The following SYT1 variants were observed in gnomAD, a reference collection of about 807,000 sequenced individuals.
SYT1 encodes the protein synaptotagmin-1.
In SYT1, 8 loss-of-function variants were observed where a neutral mutation model predicts 44.8. The ratio of observed to expected loss-of-function variants is 0.18; its 90% CI spans 0.10 to 0.32. The LOEUF (loss-of-function observed/expected upper bound fraction) is 0.32. Ranked by LOEUF, SYT1 falls within the 10% of genes least tolerant of loss-of-function variation. The probability of loss-of-function intolerance (pLI) is 1.00; values close to 1 mark genes in which losing one functional copy is unlikely to be tolerated. For synonymous variants in SYT1, 154 were observed against 188.8 expected, an observed-to-expected ratio of 0.82 and a Z score of 1.51; for missense variants, 286 against 509.3, an observed-to-expected ratio of 0.56 and a Z score of 4.22.
chr12:79,434,445 A>T (rs1302094338), intron 9 of SYT1, among the ~76,000 whole-genome samples: 1 of 152,240 alleles, frequency 6.6e-6, no homozygotes, highest in African/African-American at 2.4e-5. Context: ...TAAATTATTT[A>T]TAAAGACCCC....
chr12:79,203,657 T>C (rs919642533), intron 3 of SYT1, among the ~76,000 whole-genome samples: 1 of 152,164 alleles, frequency 6.6e-6, no homozygotes, highest in African/African-American at 2.4e-5. Context: ...TTATCTTAAA[T>C]TGAAAGGAAG....
intron 3 of SYT1, among the ~76,000 whole-genome samples, chr12:79,060,226 T>C (rs1875274555): frequency 6.6e-6 from 1 of 152,110 alleles, no homozygotes; most frequent in African/African-American, 2.4e-5. Flanking sequence ...AGAAAAGTTA[T>C]CCACGTCCCC....
chr12:79,005,260 T>C (rs922847738), intron 2 of SYT1, among the ~76,000 whole-genome samples: 4 of 152,158 alleles, frequency 2.6e-5, no homozygotes, highest in African/African-American at 7.2e-5. Flanking sequence ...TTATTAGTAA[T>C]GTTTTTCATG....
At chr12:79,229,178 T>C (rs1460847205) in intron 4 of SYT1, among the ~76,000 whole-genome samples, 1 of 152,198 alleles carries the variant, frequency 6.6e-6, no homozygotes, top group African/African-American at 2.4e-5. Flanking sequence ...AGCAAAGCTG[T>C]CCTTCCAATA....
intron 4 of SYT1, among the ~76,000 whole-genome samples, chr12:79,261,931 C>T (rs189050285): frequency 2.8e-4 from 42 of 151,794 alleles, no homozygotes; most frequent in Middle Eastern, 3.4e-3. Context: ...ATTTTACTCT[C>T]TTATTGTTAA....
chr12:79,041,354 G>T (rs966862694), intron 2 of SYT1, among the ~76,000 whole-genome samples: 1 of 152,060 alleles, frequency 6.6e-6, no homozygotes, highest in Non-Finnish European at 1.5e-5. Flanking sequence ...CCTGTAAGTT[G>T]GATTCCTAGG....
chr12:79,374,594 C>T (rs1367532482), intron 9 of SYT1, among the ~76,000 whole-genome samples: 4 of 152,174 alleles, frequency 2.6e-5, no homozygotes, highest in South Asian at 2.1e-4. Context: ...AGATTAGTTT[C>T]AGGACATTCA....
chr12:79,227,504 C>T (rs1286153189), intron 4 of SYT1, among the ~76,000 whole-genome samples: 1 of 152,116 alleles, frequency 6.6e-6, no homozygotes, highest in Non-Finnish European at 1.5e-5. Context: ...ATAGCCAGAA[C>T]TTGACTCTTA....
chr12:79,253,422 A>G (rs1049008477), intron 4 of SYT1, among the ~76,000 whole-genome samples: 29 of 152,018 alleles, frequency 1.9e-4, no homozygotes, highest in African/African-American at 6.8e-4. Context: ...CATATGAGAC[A>G]GTAAACGTAA....
At chr12:79,039,575 G>A (rs1267249080) in intron 2 of SYT1, among the ~76,000 whole-genome samples, 1 of 150,850 alleles carries the variant, frequency 6.6e-6, no homozygotes, top group African/African-American at 2.4e-5. Context: ...TTTTTTAATT[G>A]ATTCTACCAC....
chr12:79,041,293 A>G (rs1037622179), intron 2 of SYT1, among the ~76,000 whole-genome samples: 1 of 151,912 alleles, frequency 6.6e-6, no homozygotes, highest in Admixed American at 6.6e-5. Context: ...ATCCTCTTTT[A>G]TTTCATTGAG....
chr12:79,113,600 C>A (rs1003632739), intron 3 of SYT1, among the ~76,000 whole-genome samples: 6 of 152,066 alleles, frequency 3.9e-5, no homozygotes, highest in Non-Finnish European at 7.4e-5. Context: ...ATTTAACTTT[C>A]TTTAACCCAG....
At chr12:79,397,179 G>A (rs566652701) in intron 9 of SYT1, among the ~76,000 whole-genome samples, 3 of 152,246 alleles carry the variant, frequency 2.0e-5, no homozygotes, top group Non-Finnish European at 4.4e-5. Flanking sequence ...GGAGGCCACT[G>A]GAAGGGGGTT....
chr12:79,432,361 C>T (rs963122472), intron 9 of SYT1, among the ~76,000 whole-genome samples: 2 of 152,024 alleles, frequency 1.3e-5, no homozygotes, highest in Non-Finnish European at 1.5e-5. Context: ...ATCCCTCCCC[C>T]TGCCCCCCAA....
chr12:78,880,362 T>G (rs1035733336), intron 1 of SYT1, among the ~76,000 whole-genome samples: 1 of 151,684 alleles, frequency 6.6e-6, no homozygotes, highest in African/African-American at 2.4e-5. Flanking sequence ...TCCTGACCAG[T>G]CTTGTAGTAC....
At chr12:78,920,185 T>C (rs1254133470) in intron 1 of SYT1, among the ~76,000 whole-genome samples, 1 of 152,036 alleles carries the variant, frequency 6.6e-6, no homozygotes. Flanking sequence ...CAAACTAAAT[T>C]AAAATCTTGG....
intron 6 of SYT1, among the ~76,000 whole-genome samples, 167 bp downstream of exon 6, chr12:79,292,297 T>TA (rs1429036760): frequency 2.0e-5 from 3 of 152,232 alleles, no homozygotes; most frequent in African/African-American, 4.8e-5. Context: ...CCCTACTTGC[T>TA]AATTTAACTT....
intron 9 of SYT1, among the ~76,000 whole-genome samples, chr12:79,408,538 G>A (rs1868315392): frequency 1.3e-5 from 2 of 152,202 alleles, no homozygotes; most frequent in East Asian, 1.9e-4. Context: ...TGGATTCAGG[G>A]AATAAAGAAG....
chr12:79,448,926 G>C lies in SYT1; in HGVS notation c.1071G>C (p.Gln357His), dbSNP rs1207503341. The C allele has an allele frequency of 6.2e-7, 1 of 1,614,122 alleles. No individual in the cohort carries two copies. The highest frequency in any genetic ancestry group is 8.5e-7 in the Non-Finnish European group (1 of 1,179,988). The change falls in exon 11 of 11, where the codon CAG becomes CAC. Residue 357 changes from glutamine (Q) to histidine (H), a missense_variant. Physicochemically the swap from Gln to His is conservative, Grantham distance 24. Around this residue, in one of 6 missense-constraint regions of SYT1, gnomAD observed 14 missense variants for 16.2 expected, o/e 0.86. Coordinates refer to ENST00000261205, the MANE Select transcript of SYT1 (RefSeq NM_005639.3). The stretch of plus-strand genomic sequence containing the variant: ...TTCATGGCTTCTTTCAGAAAGTGCA[G>C]GTGGTGGTAACTGTTTTGGACTATG... ...EVPFEQIQKV[Q>H]VVVTVLDYDK...
Sources: allele counts gnomAD v4.1 joint callset (sites outside exome capture counted in the v4.1 genomes callset), GRCh38; gene constraint gnomAD v4.1.1; regional missense constraint gnomAD v4.1.1; transcripts MANE v1.5; gene names NCBI Gene and HGNC (gene_info 2026-07-23, HGNC 2026-07-21).